The following PLCH1 variants were observed in gnomAD, a reference collection of about 807,000 sequenced individuals.
PLCH1 encodes the protein 1-phosphatidylinositol 4,5-bisphosphate phosphodiesterase eta-1.
A neutral mutation model predicts 126.7 loss-of-function variants in PLCH1; 60 were observed. The ratio of observed to expected loss-of-function variants is 0.47; its 90% CI spans 0.38 to 0.59. PLCH1 has a LOEUF of 0.59. Ranked by LOEUF, PLCH1 falls within the 20% of genes least tolerant of loss-of-function variation. The probability of loss-of-function intolerance (pLI) is 0.00; values close to 1 mark genes in which losing one functional copy is unlikely to be tolerated. For synonymous variants in PLCH1, 719 were observed against 734.9 expected, an observed-to-expected ratio of 0.98 and a Z score of 0.35; for missense variants, 1,723 against 2,040.0, an observed-to-expected ratio of 0.84 and a Z score of 2.99.
At chr3:155,563,937 G>GTCTC (rs148001604) in intron 8 of PLCH1, among the ~76,000 whole-genome samples, 1 of 149,896 alleles carries the variant, frequency 6.7e-6, no homozygotes, top group Non-Finnish European at 1.5e-5. Context: ...CTCTCTCTCT[G>GTCTC]TCTCTCTCTC....
At chr3:155,670,697 T>C (rs1743322383) in intron 2 of PLCH1, among the ~76,000 whole-genome samples, 1 of 152,108 alleles carries the variant, frequency 6.6e-6, no homozygotes, top group East Asian at 1.9e-4. Context: ...TTTCATAGCA[T>C]TTCTAGACTC....
At chr3:155,495,891 G>C (rs1001371324) in intron 15 of PLCH1, among the ~76,000 whole-genome samples, 1 of 152,114 alleles carries the variant, frequency 6.6e-6, no homozygotes, top group African/African-American at 2.4e-5. Flanking sequence ...CATATCTCAA[G>C]CATACTAATA....
At chr3:155,706,842 C>G (rs1310742523) in intron 1 of PLCH1, among the ~76,000 whole-genome samples, 4 of 152,108 alleles carry the variant, frequency 2.6e-5, no homozygotes, top group African/African-American at 7.2e-5. Flanking sequence ...AGCTACCACA[C>G]TGTAAGGAAG....
chr3:155,600,434 G>C (rs1733564774), intron 2 of PLCH1, among the ~76,000 whole-genome samples: 1 of 152,148 alleles, frequency 6.6e-6, no homozygotes, highest in Non-Finnish European at 1.5e-5. Flanking sequence ...AGGTAAACAA[G>C]GGAAGAGTTC....
chr3:155,492,989 A>G, intron 17 of PLCH1, 136 bp from the exon 18 acceptor site: 1 of 751,160 alleles, frequency 1.3e-6, no homozygotes. Context: ...AGTGTGGCAT[A>G]GCTGTGGTTT....
At chr3:155,554,039 A>T (rs1726489210) in intron 9 of PLCH1, 37 bp downstream of exon 9, 1 of 1,606,470 alleles carries the variant, frequency 6.2e-7, no homozygotes, top group Non-Finnish European at 8.5e-7. Context: ...TCCATGCGGG[A>T]GGCTACCGCT....
chr3:155,690,942 A>C (rs1223248278), intron 2 of PLCH1, among the ~76,000 whole-genome samples: 1 of 152,124 alleles, frequency 6.6e-6, no homozygotes, highest in African/African-American at 2.4e-5. Context: ...TCCAGTGGAC[A>C]CCAACTCTTA....
At chr3:155,732,241 G>A (rs1028432851) in intron 1 of PLCH1, among the ~76,000 whole-genome samples, 29 of 151,990 alleles carry the variant, frequency 1.9e-4, no homozygotes, top group Admixed American at 6.5e-5. Flanking sequence ...GTCAAATTCT[G>A]GAGCTGAAGG....
chr3:155,470,413 A>C (rs536929178), intron 21 of PLCH1, among the ~76,000 whole-genome samples: 11 of 152,328 alleles, frequency 7.2e-5, no homozygotes, highest in African/African-American at 2.6e-4. Flanking sequence ...CCTCCAAGAA[A>C]TATGGGACTA....
intron 2 of PLCH1, among the ~76,000 whole-genome samples, chr3:155,687,131 G>C (rs1745012077): frequency 6.6e-6 from 1 of 152,110 alleles, no homozygotes; most frequent in Admixed American, 6.5e-5. Flanking sequence ...AAGCTCTTTT[G>C]CTAGAAAAGA....
intron 2 of PLCH1, among the ~76,000 whole-genome samples, chr3:155,675,372 A>C (rs1743988086): frequency 6.6e-6 from 1 of 152,234 alleles, no homozygotes; most frequent in African/African-American, 2.4e-5. Context: ...ATAGATTTTC[A>C]ATTTCTAATC....
rs146270038 is a variant in PLCH1, at chr3:155,580,321, T to C, written c.771+3151A>G. On this transcript the variant is annotated intron_variant, in intron 6 of 22. Transcript: ENST00000460012. ...TGTTCACCAAATACTTTGTACTTTT[T>C]TCATTCTTGCTAAAGCAAAACATTG... Among the ~76,000 whole-genome samples the C allele has an allele frequency of 7.5e-3, 1,135 of 152,320 alleles. 24 individuals carry two copies. Among genetic ancestry groups the C allele is most frequent in the African/African-American group, 0.026 (1,071 of 41,580 alleles).
intron 21 of PLCH1, among the ~76,000 whole-genome samples, chr3:155,458,621 G>GAAAA (rs1712591530): frequency 6.6e-6 from 1 of 151,816 alleles, no homozygotes; most frequent in Non-Finnish European, 1.5e-5. Context: ...GAGAAAGAAA[G>GAAAA]AAAAAAAGTG....
chr3:155,504,654 A>T, intron 12 of PLCH1, 28 bp from the exon 13 acceptor site: 1 of 1,437,006 alleles, frequency 7.0e-7, no homozygotes. Context: ...TAATATAACT[A>T]TTTATCTTCT....
At chr3:155,493,104 T>C (rs1225361077) in intron 17 of PLCH1, among the ~76,000 whole-genome samples, 1 of 152,230 alleles carries the variant, frequency 6.6e-6, no homozygotes, top group Non-Finnish European at 1.5e-5. Context: ...AGCATTTTAT[T>C]TGAACACCAA....
At chr3:155,563,195 C>T (rs753269791) in intron 8 of PLCH1, among the ~76,000 whole-genome samples, 1 of 152,150 alleles carries the variant, frequency 6.6e-6, no homozygotes, top group Non-Finnish European at 1.5e-5. Flanking sequence ...CCCCTTCTCT[C>T]TGTAAGTGAT....
chr3:155,704,498 G>A (rs1291237196), intron 1 of PLCH1, among the ~76,000 whole-genome samples: 1 of 152,070 alleles, frequency 6.6e-6, no homozygotes, highest in Non-Finnish European at 1.5e-5. Flanking sequence ...CACCTTTCAG[G>A]GCTCAATGTT....
chr3:155,597,975 G>A (rs1046268028), intron 2 of PLCH1, among the ~76,000 whole-genome samples: 2 of 152,116 alleles, frequency 1.3e-5, no homozygotes, highest in African/African-American at 4.8e-5. Context: ...CCTGAGGTCA[G>A]GAGCTCGAGA....
At chr3:155,664,078 T>C (rs887131879) in intron 2 of PLCH1, among the ~76,000 whole-genome samples, 4 of 152,190 alleles carry the variant, frequency 2.6e-5, no homozygotes, top group Non-Finnish European at 5.9e-5. Flanking sequence ...ATAAACAGTC[T>C]GATGACAGTA....
Sources: gnomAD v4.1 joint callset for allele counts (sites outside exome capture counted in the v4.1 genomes callset) on GRCh38, gnomAD v4.1.1 for gene constraint, MANE v1.5 for transcripts, NCBI Gene and HGNC (gene_info 2026-07-23, HGNC 2026-07-21) for gene names.